MRPL3: variants seen among roughly 807,000 people sequenced by gnomAD.
MRPL3 encodes mitochondrial ribosomal protein L3.
Under a neutral mutation model 44.3 loss-of-function variants are expected in MRPL3, and 43 were observed. The ratio of observed to expected loss-of-function variants is 0.97; its 90% CI spans 0.76 to 1.25. MRPL3 has a LOEUF of 1.25. MRPL3 is among the 50% of genes most tolerant of loss of function. The pLI, the probability that MRPL3 is intolerant of heterozygous loss-of-function variation, is 0.00. For synonymous variants in MRPL3, 171 were observed against 152.3 expected (o/e 1.12, Z -0.91); for missense variants, 406 against 427.6 (o/e 0.95, Z 0.45).
chr3:131,480,576 T>C (rs1933961223), intron 6 of MRPL3, among the ~76,000 whole-genome samples: 1 of 152,208 alleles, frequency 6.6e-6, no homozygotes, highest in Admixed American at 6.5e-5. Flanking sequence ...GCTCATTTAA[T>C]AGTACAAAGA....
At position 131,471,233 on chromosome 3, in the gene MRPL3, C is replaced by T; in HGVS notation, c.676G>A (p.Gly226Ser). Residue 226 changes from glycine (G) to serine (S), a missense_variant, in exon 7 of 10, where the codon GGC (glycine) becomes AGC (serine). Gly to Ser is a moderately conservative substitution (Grantham distance 56). Transcript: ENST00000264995. ...GTTTGACCATGCGTAGCAGGCTGGC[C>T]TTTAAATCCCCATCTTTTCATGACA... ...QGVMKRWGFK[G>S]QPATHGQTKT... The T allele has an allele frequency of 1.2e-6, 2 of 1,613,468 alleles. No homozygotes were observed. Among genetic ancestry groups the T allele is most frequent in the East Asian group, 2.2e-5 (1 of 44,882 alleles).
At chr3:131,493,584 CAG>C (rs1488671071) in intron 4 of MRPL3, among the ~76,000 whole-genome samples, 2 of 152,124 alleles carry the variant, frequency 1.3e-5, no homozygotes, top group African/African-American at 2.4e-5. Flanking sequence ...TGAAAAGAAA[CAG>C]AAGATAAAGG....
chr3:131,496,030 A>G (rs1366338485), intron 4 of MRPL3, among the ~76,000 whole-genome samples: 3 of 152,174 alleles, frequency 2.0e-5, no homozygotes, highest in African/African-American at 7.2e-5. Context: ...AGAGGAAGCA[A>G]TCTTCACAGA....
At chr3:131,485,371 A>C (rs1243500355) in intron 6 of MRPL3, among the ~76,000 whole-genome samples, 2 of 152,228 alleles carry the variant, frequency 1.3e-5, no homozygotes, top group African/African-American at 4.8e-5. Flanking sequence ...GTTTCTTAGA[A>C]TATCCCATAT....
Position 131,500,419 on chromosome 3 carries a change from TTC to T in MRPL3, c.369+9_369+10del, listed in dbSNP as rs754605392. The T allele has an allele frequency of 6.2e-7, 1 of 1,604,374 alleles. No homozygotes were observed. The highest frequency in any genetic ancestry group is 1.3e-5 in the African/African-American group (1 of 74,834). ...CATAGATATCTCTTACGTCTTCTGT[TTC>T]TCTCTTACCTGAAGTAATGTGACCA... On this transcript the variant is annotated intron_variant, in intron 3 of 9. Coordinates refer to ENST00000264995, the MANE Select transcript of MRPL3 (RefSeq NM_007208.4).
intron 9 of MRPL3, among the ~76,000 whole-genome samples, chr3:131,463,951 G>A (rs1933546390): frequency 6.6e-6 from 1 of 152,048 alleles, no homozygotes; most frequent in South Asian, 2.1e-4. Context: ...AAAGTACACA[G>A]CTGCTAGGAA....
chr3:131,498,019 C>T, intron 4 of MRPL3, 160 bp downstream of exon 4: 1 of 637,102 alleles, frequency 1.6e-6, no homozygotes, highest in Non-Finnish European at 2.8e-6. Context: ...TCCAAGACTC[C>T]TGGGCAAAAT....
At chr3:131,488,079 A>G (rs1934170643) in intron 5 of MRPL3, among the ~76,000 whole-genome samples, 2 of 152,244 alleles carry the variant, frequency 1.3e-5, no homozygotes, top group South Asian at 4.1e-4. Context: ...TGGGAAAACA[A>G]AAACAAGAAT....
At chr3:131,472,206 T>C (rs1933757662) in intron 6 of MRPL3, among the ~76,000 whole-genome samples, 1 of 152,208 alleles carries the variant, frequency 6.6e-6, no homozygotes, top group Non-Finnish European at 1.5e-5. Flanking sequence ...ATGCTCTAAA[T>C]GCTGAACAAA....
Position 131,468,296 on chromosome 3 carries a change from A to G in MRPL3, c.817-128T>C, listed in dbSNP as rs534451577. The stretch of plus-strand genomic sequence containing the variant: ...TTACCAGTACTTCAGAATGTTGAAT[A>G]AGAACTGAAAAACTTCAAGTCCTAT... On this transcript the variant is annotated intron_variant, in intron 8 of 9. Coordinates refer to ENST00000264995, the MANE Select transcript of MRPL3 (RefSeq NM_007208.4). 9 of 516,038 alleles carry G rather than the reference A, an allele frequency of 1.7e-5. No homozygotes were observed. In the African/African-American group the frequency reaches 1.8e-4, roughly 10 times the overall value. The allele number at this position is 516,038 out of a possible 1,614,324, so 32.0% of individuals were successfully genotyped here.
chr3:131,500,212 C>T (rs573700363), intron 3 of MRPL3, among the ~76,000 whole-genome samples: 7 of 152,270 alleles, frequency 4.6e-5, no homozygotes, highest in Non-Finnish European at 8.8e-5. Context: ...TTCATTGCTC[C>T]AGTTATCCCA....
intron 4 of MRPL3, among the ~76,000 whole-genome samples, chr3:131,493,098 C>A (rs943009627): frequency 6.6e-6 from 1 of 152,100 alleles, no homozygotes; most frequent in Non-Finnish European, 1.5e-5. Flanking sequence ...AAATGAAGAA[C>A]CCGCAGGCCC....
intron 9 of MRPL3, among the ~76,000 whole-genome samples, chr3:131,463,722 T>C (rs1933541430): frequency 6.6e-6 from 1 of 152,176 alleles, no homozygotes; most frequent in Admixed American, 6.5e-5. Context: ...ATTATATCTG[T>C]GAATTCACAG....
At chr3:131,463,007 A>C in intron 9 of MRPL3, 132 bp from the exon 10 acceptor site, 1 of 698,244 alleles carries the variant, frequency 1.4e-6, no homozygotes, top group Non-Finnish European at 2.2e-6. Flanking sequence ...TTACATAAAT[A>C]GAGTAAAAAG....
intron 6 of MRPL3, among the ~76,000 whole-genome samples, chr3:131,479,850 A>C (rs1025182091): frequency 6.6e-6 from 1 of 152,242 alleles, no homozygotes; most frequent in Non-Finnish European, 1.5e-5. Flanking sequence ...GTCTCAAAAA[A>C]AAGAATTAAG....
chr3:131,462,828 T>A lies in MRPL3; in HGVS notation c.942A>T (p.Leu314=), dbSNP rs553919604. The A allele has an allele frequency of 6.2e-7, 1 of 1,612,774 alleles. No individual in the cohort carries two copies. Among genetic ancestry groups the A allele is most frequent in the East Asian group, 2.2e-5 (1 of 44,854 alleles). ...CATCAGGAAAATATGTAGGGAATGG[T>A]AGATTTTTACCGAGATCCTTATATG... The part of the protein sequence containing the change: ...LPAYKDLGKN[L]PFPTYFPDGD... The change falls in exon 10 of 10, where the codon CTA becomes CTT. Residue 314 remains leucine, a synonymous_variant. Transcript: ENST00000264995.
intron 1 of MRPL3, among the ~76,000 whole-genome samples, chr3:131,502,199 A>T (rs1229306493): frequency 6.6e-6 from 1 of 152,242 alleles, no homozygotes; most frequent in African/African-American, 2.4e-5. Context: ...GAACATACCA[A>T]GAAAGACCTT....
At chr3:131,485,798 G>A (rs1934104513) in intron 6 of MRPL3, among the ~76,000 whole-genome samples, 1 of 152,120 alleles carries the variant, frequency 6.6e-6, no homozygotes, top group Non-Finnish European at 1.5e-5. Flanking sequence ...TTGAAACTAG[G>A]AAGAATGCAT....
chr3:131,485,739 C>T (rs1934103280), intron 6 of MRPL3, among the ~76,000 whole-genome samples: 2 of 152,032 alleles, frequency 1.3e-5, no homozygotes, highest in South Asian at 2.1e-4. Context: ...TTCTAAATAG[C>T]GAAATGAAGG....
Sources: gnomAD v4.1 joint callset for allele counts (sites outside exome capture counted in the v4.1 genomes callset) on GRCh38, gnomAD v4.1.1 for gene constraint, MANE v1.5 for transcripts, NCBI Gene and HGNC (gene_info 2026-07-23, HGNC 2026-07-21) for gene names.